The following EVC2 variants were observed in gnomAD, a reference collection of about 807,000 sequenced individuals.
EVC2 encodes the protein limbin.
Under a neutral mutation model 149.3 loss-of-function variants are expected in EVC2, and 148 were observed. The ratio of observed to expected loss-of-function variants is 0.99; its 90% confidence interval spans 0.87 to 1.14. EVC2 has a LOEUF of 1.14. EVC2 is among the 50% of genes most tolerant of loss of function. The pLI is 0.00. For synonymous variants in EVC2, 776 were observed against 649.9 expected, an observed-to-expected ratio of 1.19 and a Z score of -2.95; for missense variants, 1,854 against 1,627.3, an observed-to-expected ratio of 1.14 and a Z score of -2.40.
rs1486127751 is a variant in EVC2 at position 5,670,485 on chromosome 4, C to T, written c.871-4836G>A. Among the ~76,000 whole-genome samples, 1 of 151,990 alleles carries T rather than the reference C, an allele frequency of 6.6e-6. No individual in the cohort carries two copies. Among genetic ancestry groups the T allele is most frequent in the Non-Finnish European group, 1.5e-5 (1 of 68,000 alleles). ...TCAAATTCATCATCACCATCCCCAC[C>T]ATCACCATCACCACCATCACCATCG... On this transcript the variant is annotated intron_variant, in intron 7 of 21. Transcript: ENST00000344408. The surrounding 1 kb of genome is among the most constrained non-coding windows in gnomAD (Gnocchi z 5.2).
At chr4:5,665,777 T>A in intron 7 of EVC2, 128 bp from the exon 8 acceptor site, 1 of 1,431,302 alleles carries the variant, frequency 7.0e-7, no homozygotes, top group Non-Finnish European at 9.6e-7. Flanking sequence ...TGAGTCTCGC[T>A]CTGCCAGCTA....
intron 1 of EVC2, among the ~76,000 whole-genome samples, chr4:5,701,505 C>T (rs1184388161): frequency 6.6e-6 from 1 of 152,104 alleles, no homozygotes; most frequent in Non-Finnish European, 1.5e-5. Flanking sequence ...TTTACAGAGG[C>T]CACACGTTGT....
In EVC2 at chr4:5,565,363, C is replaced by T. The variant is rs746098929; in HGVS notation, c.3558-4G>A. The stretch of plus-strand genomic sequence containing the variant: ...TTGCCACCAGCTCTGGTGTTTCCTG[C>T]AGGCAAGAAGGGAGTCTTATAGTTT... On this transcript the variant is annotated splice_polypyrimidine_tract_variant and splice_region_variant and intron_variant, in intron 20 of 21. Transcript: ENST00000344408. 1.9e-6 allele frequency: 3 copies of T among 1,613,782 alleles called. No homozygotes were observed. Among genetic ancestry groups the T allele is most frequent in the Non-Finnish European group, 2.5e-6 (3 of 1,179,796 alleles).
chr4:5,666,469 C>T (rs970226639), intron 7 of EVC2, among the ~76,000 whole-genome samples: 1 of 152,198 alleles, frequency 6.6e-6, no homozygotes, highest in Admixed American at 6.5e-5. Flanking sequence ...TTTTAGTTTG[C>T]TTCAGTGTGA....
chr4:5,623,793 T>G (rs1715909926), intron 13 of EVC2, among the ~76,000 whole-genome samples: 3 of 152,188 alleles, frequency 2.0e-5, no homozygotes, highest in South Asian at 4.1e-4. Flanking sequence ...CCAAAGCAGG[T>G]ATTTTACCCT....
chr4:5,640,639 G>C lies in EVC2; in HGVS notation c.1345C>G (p.Arg449Gly). 1.2e-6 allele frequency: 2 copies of C among 1,613,990 alleles called. No homozygotes were observed. Among genetic ancestry groups the C allele is most frequent in the East Asian group, 4.5e-5 (2 of 44,866 alleles). ...LENEIQEEYD[R>G]KMVALTAECD... ...TCAGCTGTCAATGCCACCATCTTCC[G>C]ATCGTACTCCTCTTGTATTTCATTT... The change falls in exon 10 of 22, where the codon CGG (arginine) becomes GGG (glycine). Residue 449 changes from arginine (R) to glycine (G), a missense_variant. Arg to Gly is a moderately radical substitution (Grantham distance 125). Transcript: ENST00000344408. This position sits in a 1 kb window ranked among gnomAD's most constrained non-coding sequence, Gnocchi z 4.6.
intron 9 of EVC2, among the ~76,000 whole-genome samples, chr4:5,656,527 G>C (rs1434305348): frequency 6.6e-6 from 1 of 152,204 alleles, no homozygotes; most frequent in African/African-American, 2.4e-5. Flanking sequence ...GGATTATCCA[G>C]TGAGCCCTAA....
intron 2 of EVC2, 23 bp from the exon 3 acceptor site, chr4:5,694,524 T>C (rs1007175594): frequency 2.5e-6 from 4 of 1,614,066 alleles, no homozygotes; most frequent in Admixed American, 1.7e-5. Flanking sequence ...AACACACCCG[T>C]TTTATATAAT....
intron 21 of EVC2, among the ~76,000 whole-genome samples, chr4:5,551,133 G>C (rs978354690): frequency 2.6e-5 from 4 of 151,670 alleles, no homozygotes; most frequent in African/African-American, 9.7e-5. Context: ...TCCCTACTGG[G>C]GCATCACCTA....
chr4:5,538,733 A>G (rs1721462886), downstream of EVC2, among the ~76,000 whole-genome samples: 1 of 152,168 alleles, frequency 6.6e-6, no homozygotes, highest in Non-Finnish European at 1.5e-5. Context: ...ATATATGGCC[A>G]TCTCAATGGG....
chr4:5,595,288 G>A (rs1158518354), intron 16 of EVC2, among the ~76,000 whole-genome samples: 1 of 152,012 alleles, frequency 6.6e-6, no homozygotes, highest in Non-Finnish European at 1.5e-5. Flanking sequence ...AAGTTGAAAT[G>A]AAGGAAAAAA....
At chr4:5,619,693 A>G (rs1010349635) in intron 14 of EVC2, among the ~76,000 whole-genome samples, 3 of 152,208 alleles carry the variant, frequency 2.0e-5, no homozygotes, top group African/African-American at 7.2e-5. Flanking sequence ...ACAGACAAGG[A>G]AATGGATGAA....
rs368879289 is a variant in EVC2 at position 5,663,330 on chromosome 4, G to A, written c.1006-84C>T. The A allele has an allele frequency of 2.6e-4, 410 of 1,592,024 alleles. 1 individual carries two copies. The Middle Eastern group carries it at 6.2e-3, about 24-fold the overall frequency. The stretch of plus-strand genomic sequence containing the variant: ...GAGAAAGCCAGGAGGGAAGGCCAGG[G>A]GTCTGCAGTCTGAGCACCCAATCAG... On this transcript the variant is annotated intron_variant, in intron 8 of 21. Coordinates refer to ENST00000344408, the MANE Select transcript of EVC2 (RefSeq NM_147127.5).
intron 1 of EVC2, among the ~76,000 whole-genome samples, chr4:5,703,863 T>C (rs943193656): frequency 1.3e-5 from 2 of 151,588 alleles, no homozygotes; most frequent in African/African-American, 4.9e-5. Context: ...GTAATGGGGG[T>C]TGCCATTTTA....
chr4:5,674,761 G>C (rs1033165695), intron 7 of EVC2, among the ~76,000 whole-genome samples: 34 of 152,156 alleles, frequency 2.2e-4, no homozygotes, highest in Non-Finnish European at 2.9e-5. Flanking sequence ...ATCCTGAATG[G>C]AGGCCCCTCA....
At chr4:5,680,606 G>A (rs953849391) in intron 7 of EVC2, among the ~76,000 whole-genome samples, 1 of 152,158 alleles carries the variant, frequency 6.6e-6, no homozygotes, top group Non-Finnish European at 1.5e-5. Context: ...CTAGCCATGG[G>A]ATACTGGGCA....
intron 9 of EVC2, among the ~76,000 whole-genome samples, chr4:5,655,044 A>G (rs1718422973): frequency 6.6e-6 from 1 of 152,200 alleles, no homozygotes; most frequent in Non-Finnish European, 1.5e-5. Context: ...ACTTGCCAAG[A>G]GAACAGAAGG....
At position 5,625,234 on chromosome 4, in the gene EVC2, C is replaced by T. The variant is rs1195322030; in HGVS notation, c.2046+515G>A. On this transcript the variant is annotated intron_variant, in intron 13 of 21. Coordinates refer to ENST00000344408, the MANE Select transcript of EVC2 (RefSeq NM_147127.5). The surrounding 1 kb of genome is among the most constrained non-coding windows in gnomAD (Gnocchi z 4.0). ...CCTACCCTCGTCCCTCTGCACACTCCAGCCTCATCATATTCTTAGAGTCCC... is the reference window on the plus strand; with the variant it reads ...CCTACCCTCGTCCCTCTGCACACTCTAGCCTCATCATATTCTTAGAGTCCC... 1.3e-5 allele frequency among the ~76,000 whole-genome samples: 2 copies of T among 151,758 alleles called. No homozygotes were observed. Among genetic ancestry groups the T allele is most frequent in the African/African-American group, 2.4e-5 (1 of 41,306 alleles).
At chr4:5,588,886 T>C (rs1712536051) in intron 16 of EVC2, among the ~76,000 whole-genome samples, 1 of 152,224 alleles carries the variant, frequency 6.6e-6, no homozygotes, top group South Asian at 2.1e-4. Flanking sequence ...GTGATGCCCT[T>C]GAGCAGTACA....
Sources: gnomAD v4.1 joint callset for allele counts (sites outside exome capture counted in the v4.1 genomes callset) on GRCh38, gnomAD v4.1.1 for gene constraint, Gnocchi (gnomAD v3.1) non-coding constraint, MANE v1.5 for transcripts, NCBI Gene and HGNC (gene_info 2026-07-23, HGNC 2026-07-21) for gene names.